Variants in MBTPS1 observed in about 807,000 individuals in gnomAD.
MBTPS1 encodes the protein membrane bound transcription factor peptidase, site 1.
Under a neutral mutation model 127.8 loss-of-function variants are expected in MBTPS1, and 94 were observed. The observed-to-expected ratio is 0.74, with a 90% CI of 0.62 to 0.87. The LOEUF is 0.87. Among genes scored for constraint, MBTPS1 ranks in the 40% least tolerant of loss-of-function variants. MBTPS1 has a pLI of 0.00. For missense variants in MBTPS1, 1,636 were observed against 1,353.2 expected (o/e 1.21, Z -3.28); for synonymous variants, 632 against 509.4 (o/e 1.24, Z -3.24).
At chr16:84,078,880 C>A (rs1366485958) in intron 11 of MBTPS1, among the ~76,000 whole-genome samples, 1 of 152,174 alleles carries the variant, frequency 6.6e-6, no homozygotes, top group African/African-American at 2.4e-5. Flanking sequence ...GTCATGGTTA[C>A]CTAAGGCGTG....
intron 1 of MBTPS1, among the ~76,000 whole-genome samples, chr16:84,106,815 C>A (rs551026781): frequency 6.6e-6 from 1 of 152,046 alleles, no homozygotes; most frequent in Non-Finnish European, 1.5e-5. Context: ...TGGACCAGGG[C>A]GGGCAGGGGA....
chr16:84,094,057 G>T (rs934764281), intron 4 of MBTPS1, among the ~76,000 whole-genome samples: 1 of 152,080 alleles, frequency 6.6e-6, no homozygotes, highest in Non-Finnish European at 1.5e-5. Flanking sequence ...AAGATTTAAG[G>T]ATAAGCAGAA....
chr16:84,081,815 C>A lies in MBTPS1; in HGVS notation c.1380G>T (p.Glu460Asp). Residue 460 changes from glutamate (E) to aspartate (D), a missense_variant, in exon 11 of 23, where the codon GAG (glutamate) becomes GAT (aspartate). Coordinates refer to ENST00000343411, the MANE Select transcript of MBTPS1 (RefSeq NM_003791.4). ...ARRLPGVNMF[E>D]QGHGKLDLLR... is the part of the protein sequence containing the mutation. The stretch of plus-strand genomic sequence containing the variant: ...GCAGATCGAGCTTGCCGTGGCCTTG[C>A]TCAAACATGTTGACCCCGGGGAGCC... 6.5e-7 allele frequency: 1 copy of A among 1,533,176 alleles called. No individual in the cohort carries two copies. The highest frequency in any genetic ancestry group is 1.3e-5 in the South Asian group (1 of 79,672). The allele number at this position is 1,533,176 out of a possible 1,614,324, so 95.0% of individuals were successfully genotyped here.
chr16:84,072,646 C>T (rs1286692945), intron 12 of MBTPS1, among the ~76,000 whole-genome samples: 1 of 152,034 alleles, frequency 6.6e-6, no homozygotes, highest in Non-Finnish European at 1.5e-5. Context: ...AAAAATTAGC[C>T]GGGCATGGTG....
At chr16:84,081,645 G>A in intron 11 of MBTPS1, 102 bp downstream of exon 11, 1 of 941,282 alleles carries the variant, frequency 1.1e-6, no homozygotes, top group Non-Finnish European at 1.4e-6. Flanking sequence ...TCTGTGCTTA[G>A]TCATCATTTT....
chr16:84,106,070 G>A (rs1390626674), intron 1 of MBTPS1, among the ~76,000 whole-genome samples: 1 of 152,250 alleles, frequency 6.6e-6, no homozygotes, highest in East Asian at 1.9e-4. Flanking sequence ...CAAGGCGGGT[G>A]GATCACCTGA....
rs749829999 is a variant in MBTPS1, at chr16:84,067,767, G to T, written c.2128C>A (p.Leu710Ile). Reference sequence around the variant, plus strand: ...AGGCCGTTGTCCACGTCCCTCCGGAGCTTGGCGATCTCTTCAGGGAAGTAC... The same window carrying T: ...AGGCCGTTGTCCACGTCCCTCCGGATCTTGGCGATCTCTTCAGGGAAGTAC... Reference protein sequence around the residue: ...EEYFPEEIAKLRRDVDNGLSL... With the variant: ...EEYFPEEIAKIRRDVDNGLSL... Residue 710 changes from leucine (L) to isoleucine (I), a missense_variant, in exon 16 of 23, where the codon CTC becomes ATC. Physicochemically the swap from Leu to Ile is conservative, Grantham distance 5 (BLOSUM62 2). Transcript: ENST00000343411. The T allele has an allele frequency of 3.1e-6, 5 of 1,613,990 alleles. No individual in the cohort carries two copies. In the African/African-American group the frequency reaches 6.7e-5, roughly 22 times the overall value.
At position 84,070,789 on chromosome 16, in the gene MBTPS1, G is replaced by A. The variant is rs1222676955; in HGVS notation, c.1594-13C>T. 1.3e-6 allele frequency: 2 copies of A among 1,592,272 alleles called. No homozygotes were observed. The highest frequency in any genetic ancestry group is 1.8e-5 in the Admixed American group (1 of 54,958). On this transcript the variant is annotated splice_polypyrimidine_tract_variant and intron_variant, in intron 12 of 22. Transcript: ENST00000343411. Reference sequence around the variant, plus strand: ...GCTGCCAGTCAGGCTGCAGGAAAAAGAAATCAGACAAAGGCTAAAGTGAAA... The same window carrying A: ...GCTGCCAGTCAGGCTGCAGGAAAAAAAAATCAGACAAAGGCTAAAGTGAAA...
intron 11 of MBTPS1, among the ~76,000 whole-genome samples, chr16:84,078,301 T>C (rs577440340): frequency 2.7e-4 from 40 of 149,780 alleles, no homozygotes; most frequent in African/African-American, 9.3e-4. Context: ...AGTGCCACCT[T>C]ACCTAACAGA....
At chr16:84,067,903 G>A in intron 15 of MBTPS1, 80 bp from the exon 16 acceptor site, 5 of 1,384,010 alleles carry the variant, frequency 3.6e-6, no homozygotes, top group Non-Finnish European at 5.0e-6. Context: ...GTGTCACCAG[G>A]TACATGTCTC....
At chr16:84,057,016 A>T (rs947703136) in intron 21 of MBTPS1, 1 of 152,208 alleles carries the variant, frequency 6.6e-6, no homozygotes, top group East Asian at 1.9e-4. Flanking sequence ...TCATTTGGAA[A>T]CTGTCAGCCT....
At position 84,099,263 on chromosome 16, in the gene MBTPS1, A is replaced by T. The variant is rs1381200632; in HGVS notation, c.211T>A (p.Ser71Thr). The change falls in exon 3 of 23, where the codon TCA becomes ACA. Residue 71 changes from serine to threonine, a missense_variant. By Grantham distance (58) the Ser-to-Thr change is moderately conservative. Transcript: ENST00000343411. ...CTCTTCAGGGCACTTGAAATAAATG[A>T]ATTTCTAGCTTTGGCTGTAAAGTAT... Reference protein sequence around the residue: ...NGYFTAKARNSFISSALKSSE... With the variant: ...NGYFTAKARNTFISSALKSSE... The T allele has an allele frequency of 6.2e-7, 1 of 1,614,150 alleles. No homozygotes were observed. The highest frequency in any genetic ancestry group is 8.5e-7 in the Non-Finnish European group (1 of 1,179,998).
chr16:84,070,423 A>G (rs767043925), intron 13 of MBTPS1, among the ~76,000 whole-genome samples, 165 bp downstream of exon 13: 11 of 152,040 alleles, frequency 7.2e-5, no homozygotes, highest in Admixed American at 2.0e-4. Context: ...ACTTCTTCAA[A>G]CTCCAGCTGC....
chr16:84,074,813 A>C, intron 11 of MBTPS1, 72 bp from the exon 12 acceptor site: 1 of 1,390,176 alleles, frequency 7.2e-7, no homozygotes, highest in Non-Finnish European at 9.9e-7. Context: ...ACTGTACAAG[A>C]CAGAGTTAAC....
In MBTPS1 at chr16:84,085,090, G is replaced by C. The variant is rs141095084; in HGVS notation, c.1179C>G (p.Thr393=). 1.0e-4 allele frequency: 164 copies of C among 1,614,196 alleles called. 1 individual carries two copies. In the African/African-American group the frequency reaches 1.9e-3, roughly 19 times the overall value. ...GYGRMKPDIV[T]YGAGVRGSGV... ...CAGAACCCCGCACGCCAGCACCATAGGTGACAATGTCAGGTTTCATGCGAC... is the reference window on the plus strand; with the variant it reads ...CAGAACCCCGCACGCCAGCACCATACGTGACAATGTCAGGTTTCATGCGAC... The change falls in exon 10 of 23, where the codon ACC becomes ACG. Residue 393 remains threonine, a synonymous_variant. Coordinates refer to ENST00000343411, the MANE Select transcript of MBTPS1 (RefSeq NM_003791.4).
intron 20 of MBTPS1, chr16:84,060,445 T>A (rs1414106648): frequency 6.5e-6 from 3 of 462,752 alleles, no homozygotes. Flanking sequence ...AGGGTCGGGG[T>A]GCACGTGGGA....
rs767092640 is a variant in MBTPS1, at chr16:84,056,040, G to A, written c.2927C>T (p.Ser976Phe). 2.4e-5 allele frequency: 38 copies of A among 1,613,808 alleles called. No individual in the cohort carries two copies. Among genetic ancestry groups the A allele is most frequent in the Admixed American group, 3.3e-5 (2 of 59,998 alleles). ...RSNRPQVRPL[S>F]PGESGAWDIP... Reference sequence around the variant, plus strand: ...GTCCCAGGCGCCGCTCTCTCCAGGGGACAAGGGCCTCACTTGAGGGCGATT... The same window carrying A: ...GTCCCAGGCGCCGCTCTCTCCAGGGAACAAGGGCCTCACTTGAGGGCGATT... The change falls in exon 22 of 23, where the codon TCC becomes TTC. Residue 976 changes from serine (S) to phenylalanine (F), a missense_variant. Ser to Phe is a radical substitution (Grantham distance 155). Coordinates refer to ENST00000343411, the MANE Select transcript of MBTPS1 (RefSeq NM_003791.4).
At chr16:84,095,561 T>C in intron 4 of MBTPS1, 41 bp downstream of exon 4, 1 of 1,600,092 alleles carries the variant, frequency 6.2e-7, no homozygotes, top group Non-Finnish European at 8.6e-7. Flanking sequence ...AGCACACACC[T>C]GTATATCCCA....
chr16:84,080,115 G>A (rs1446315140), intron 11 of MBTPS1, among the ~76,000 whole-genome samples: 1 of 152,168 alleles, frequency 6.6e-6, no homozygotes, highest in Admixed American at 6.5e-5. Context: ...ACTAGATGGA[G>A]CTCCCAACAG....
Sources: gnomAD v4.1 joint callset for allele counts (sites outside exome capture counted in the v4.1 genomes callset) on GRCh38, gnomAD v4.1.1 for gene constraint, MANE v1.5 for transcripts, NCBI Gene and HGNC (gene_info 2026-07-23, HGNC 2026-07-21) for gene names.